PLXNA2: variants seen among roughly 807,000 people sequenced by gnomAD.
PLXNA2 encodes the protein plexin A2.
Under a neutral mutation model 193.5 loss-of-function variants are expected in PLXNA2, and 91 were observed. That is an observed-to-expected ratio of 0.47 (90% CI 0.40 to 0.56). The LOEUF (loss-of-function observed/expected upper bound fraction) is 0.56. Ranked by LOEUF, PLXNA2 falls within the 20% of genes least tolerant of loss-of-function variation. The pLI is 0.00. For missense variants in PLXNA2, 1,995 were observed against 2,503.2 expected (o/e 0.80, Z 4.33); for synonymous variants, 997 against 1,027.3 (o/e 0.97, Z 0.56).
At chr1:208,046,761 T>G (rs1312076967) in intron 17 of PLXNA2, among the ~76,000 whole-genome samples, 1 of 142,994 alleles carries the variant, frequency 7.0e-6, no homozygotes, top group Admixed American at 7.1e-5. Context: ...CAAGGGAGCA[T>G]GGGATGTTTG....
chr1:208,092,729 G>T, intron 9 of PLXNA2, 57 bp downstream of exon 9: 1 of 1,226,878 alleles, frequency 8.2e-7, no homozygotes, highest in Non-Finnish European at 1.2e-6. Flanking sequence ...ATCTAAAGAG[G>T]GAGGGGCCAC....
intron 3 of PLXNA2, among the ~76,000 whole-genome samples, chr1:208,195,352 C>T (rs911277125): frequency 7.9e-5 from 12 of 151,174 alleles, no homozygotes; most frequent in South Asian, 4.2e-4. Flanking sequence ...TGTGGAGATC[C>T]GGGAGGGTGG....
chr1:208,159,850 T>G (rs1360836790), intron 3 of PLXNA2, among the ~76,000 whole-genome samples: 4 of 152,150 alleles, frequency 2.6e-5, no homozygotes, highest in Non-Finnish European at 4.4e-5. Flanking sequence ...AACCTGTGCT[T>G]CCAGAGCCAG....
intron 4 of PLXNA2, among the ~76,000 whole-genome samples, chr1:208,115,561 A>G (rs888940288): frequency 7.9e-5 from 12 of 152,180 alleles, no homozygotes; most frequent in Non-Finnish European, 1.6e-4. Context: ...CGCCTCTTAG[A>G]CATGAAGGAT....
intron 26 of PLXNA2, among the ~76,000 whole-genome samples, chr1:208,037,722 C>G (rs1664716210): frequency 7.6e-6 from 1 of 131,564 alleles, no homozygotes; most frequent in South Asian, 2.3e-4. Context: ...TGTTCTTTTG[C>G]TGGGATTTTT....
intron 9 of PLXNA2, among the ~76,000 whole-genome samples, chr1:208,086,999 G>T (rs1666550353): frequency 2.7e-5 from 1 of 36,390 alleles, no homozygotes; most frequent in South Asian, 6.7e-4. Flanking sequence ...GTGAGAGAGA[G>T]AGAGAGAGAG....
chr1:208,078,759 A>G (rs1166961437), intron 12 of PLXNA2, among the ~76,000 whole-genome samples: 1 of 152,236 alleles, frequency 6.6e-6, no homozygotes, highest in Admixed American at 6.5e-5. Context: ...TTCCATTAAA[A>G]TGCATGAAAA....
chr1:208,217,541 C>A lies in PLXNA2; in HGVS notation c.382G>T (p.Ala128Ser), dbSNP rs868600484. ...IIDYSENRLL[A>S]CGSLYQGVCK... is the part of the protein sequence containing the mutation. Reference sequence around the variant, plus strand: ...ACCCCCTGGTAGAGGCTCCCACAGGCCAGCAGGCGGTTCTCAGAGTAGTCA... The same window carrying A: ...ACCCCCTGGTAGAGGCTCCCACAGGACAGCAGGCGGTTCTCAGAGTAGTCA... The change falls in exon 2 of 32, where the codon GCC becomes TCC. Residue 128 changes from alanine (A) to serine (S), a missense_variant. Physicochemically the swap from Ala to Ser is moderately conservative, Grantham distance 99. Transcript: ENST00000367033. The surrounding 1 kb of genome is among the most constrained non-coding windows in gnomAD (Gnocchi z 4.7). 8 of 1,614,070 alleles carry A rather than the reference C, an allele frequency of 5.0e-6. No homozygotes were observed. In the African/African-American group the frequency reaches 9.3e-5, roughly 19 times the overall value.
chr1:208,205,660 G>A (rs79043717), intron 3 of PLXNA2, among the ~76,000 whole-genome samples: 1,957 of 152,260 alleles, frequency 0.013, 62 homozygotes, highest in East Asian at 0.12. Flanking sequence ...TTTGATGCAG[G>A]AATCCCCTTG....
At chr1:208,188,247 T>C (rs1670067827) in intron 3 of PLXNA2, among the ~76,000 whole-genome samples, 1 of 152,096 alleles carries the variant, frequency 6.6e-6, no homozygotes, top group African/African-American at 2.4e-5. Context: ...TGTCACGAGG[T>C]TCTAGCAAGA....
chr1:208,217,020 G>T lies in PLXNA2; in HGVS notation c.903C>A (p.Thr301=), dbSNP rs1400742445. ...HSYVSLPFGC[T]RAGVEYRLLQ... ...GGAGGCGGTATTCCACCCCGGCCCG[G>T]GTGCAGCCGAAGGGCAGGGACACGT... The change falls in exon 2 of 32, where the codon ACC becomes ACA. Residue 301 remains threonine, a synonymous_variant. Transcript: ENST00000367033. The surrounding 1 kb of genome is among the most constrained non-coding windows in gnomAD (Gnocchi z 4.7). The T allele has an allele frequency of 1.9e-6, 3 of 1,611,826 alleles. No individual in the cohort carries two copies. Among genetic ancestry groups the T allele is most frequent in the Non-Finnish European group, 2.5e-6 (3 of 1,178,422 alleles).
intron 5 of PLXNA2, among the ~76,000 whole-genome samples, chr1:208,100,945 T>C (rs1667075851): frequency 2.6e-5 from 4 of 152,176 alleles, no homozygotes. Flanking sequence ...CACTAGTGAT[T>C]CCACAATCAA....
chr1:208,046,580 A>ATG (rs1665076803), intron 17 of PLXNA2, among the ~76,000 whole-genome samples: 1 of 131,114 alleles, frequency 7.6e-6, no homozygotes, highest in Admixed American at 7.4e-5. Context: ...GTGTGTGTGT[A>ATG]TGTGTGTGTG....
At chr1:208,036,738 A>G (rs1664680642) in intron 26 of PLXNA2, among the ~76,000 whole-genome samples, 1 of 152,192 alleles carries the variant, frequency 6.6e-6, no homozygotes, top group Admixed American at 6.5e-5. Context: ...CTCAGTAAAT[A>G]TTTGAGGACT....
intron 5 of PLXNA2, among the ~76,000 whole-genome samples, chr1:208,102,710 G>A (rs868299206): frequency 6.6e-6 from 1 of 152,152 alleles, no homozygotes; most frequent in African/African-American, 2.4e-5. Context: ...AGTTGTCAGG[G>A]GACCCATCCA....
At chr1:208,119,352 A>G (rs1667736589) in intron 4 of PLXNA2, among the ~76,000 whole-genome samples, 1 of 152,210 alleles carries the variant, frequency 6.6e-6, no homozygotes. Context: ...AGACCCAGCG[A>G]AAGGTGTCCG....
intron 3 of PLXNA2, among the ~76,000 whole-genome samples, chr1:208,200,577 C>CTTTTTTTTTTTTTTTTTTT (rs36026400): frequency 2.6e-5 from 3 of 113,998 alleles, no homozygotes; most frequent in Non-Finnish European, 3.4e-5. Flanking sequence ...CCCAATCCTT[C>CTTTTTTTTTTTTTTTTTTT]TTTTTTTTTT....
chr1:208,148,353 AT>A (rs1432789405), intron 3 of PLXNA2, among the ~76,000 whole-genome samples: 1 of 152,114 alleles, frequency 6.6e-6, no homozygotes, highest in Non-Finnish European at 1.5e-5. Flanking sequence ...TAGCAAAGAG[AT>A]TGGTTTGAAA....
chr1:208,043,168 T>C lies in PLXNA2; in HGVS notation c.3910A>G (p.Thr1304Ala), dbSNP rs1448461168. 2 of 1,614,090 alleles carry C rather than the reference T, an allele frequency of 1.2e-6. No homozygotes were observed. Among genetic ancestry groups the C allele is most frequent in the Non-Finnish European group, 1.7e-6 (2 of 1,179,962 alleles). The change falls in exon 21 of 32, where the codon ACC (threonine) becomes GCC (alanine). Residue 1304 changes from threonine (T) to alanine (A), a missense_variant. Around this residue, in one of 3 missense-constraint regions of PLXNA2, gnomAD observed 1,291 missense variants for 1,673.6 expected, o/e 0.77. Transcript: ENST00000367033. ...AELQTDINEL[T>A]SDLDRSGIPY... is the part of the protein sequence containing the mutation. The stretch of plus-strand genomic sequence containing the variant: ...ATTCCTGAGCGGTCCAGGTCACTGG[T>C]CAACTCATTGATATCCGTCTGGAGC...
Sources: gnomAD v4.1 joint callset for allele counts (sites outside exome capture counted in the v4.1 genomes callset) on GRCh38, gnomAD v4.1.1 for gene constraint, gnomAD v4.1.1 regional missense constraint, Gnocchi (gnomAD v3.1) non-coding constraint, MANE v1.5 for transcripts, NCBI Gene and HGNC (gene_info 2026-07-23, HGNC 2026-07-21) for gene names.